Variants in CD28 observed in about 807,000 individuals in gnomAD.
CD28 encodes the protein CD28 molecule.
In CD28, 8 loss-of-function variants were observed where a neutral mutation model predicts 21.4. The observed-to-expected ratio is 0.37, with a 90% CI of 0.22 to 0.68. The LOEUF is 0.68. Among genes scored for constraint, CD28 ranks in the 30% least tolerant of loss-of-function variants. The probability of loss-of-function intolerance (pLI) is 0.55; values close to 1 mark genes in which losing one functional copy is unlikely to be tolerated. For missense variants in CD28, 239 were observed against 272.2 expected (o/e 0.88, Z 0.86); for synonymous variants, 106 against 104.0 (o/e 1.02, Z -0.12).
chr2:203,734,447 C>A (rs1024142825), intron 3 of CD28, among the ~76,000 whole-genome samples: 14 of 152,188 alleles, frequency 9.2e-5, no homozygotes, highest in South Asian at 2.1e-4. Context: ...TGTGGGTAGG[C>A]TTAACCTAGT....
chr2:203,712,115 C>T (rs769475984), intron 1 of CD28, among the ~76,000 whole-genome samples: 7 of 152,022 alleles, frequency 4.6e-5, no homozygotes, highest in Non-Finnish European at 1.0e-4. Context: ...TTGCTTGAAC[C>T]TAGGAGGCAG....
chr2:203,732,539 G>A (rs955551120), intron 3 of CD28, among the ~76,000 whole-genome samples: 17 of 152,312 alleles, frequency 1.1e-4, no homozygotes, highest in South Asian at 1.0e-3. Flanking sequence ...TGAAGACCAC[G>A]TACTTAAGTA....
chr2:203,734,724 C>T, intron 3 of CD28, 60 bp from the exon 4 acceptor site: 1 of 1,587,828 alleles, frequency 6.3e-7, no homozygotes, highest in Non-Finnish European at 8.7e-7. Context: ...GTTGTGCCCA[C>T]AGTCTTAGAA....
intron 1 of CD28, among the ~76,000 whole-genome samples, chr2:203,713,887 G>T (rs1317330340): frequency 6.7e-6 from 1 of 148,778 alleles, no homozygotes; most frequent in Non-Finnish European, 1.5e-5. Flanking sequence ...CAGAGAGAGA[G>T]AGTGTGTGTG....
At chr2:203,707,279 C>G in intron 1 of CD28, among the ~76,000 whole-genome samples, 1 of 152,022 alleles carries the variant, frequency 6.6e-6, no homozygotes, top group Non-Finnish European at 1.5e-5. Context: ...CCAATTCTCA[C>G]TAGGTAAGCT....
chr2:203,725,689 C>A (rs1426721351), intron 1 of CD28, among the ~76,000 whole-genome samples: 2 of 152,092 alleles, frequency 1.3e-5, no homozygotes, highest in African/African-American at 4.8e-5. Context: ...AGAGAGATAA[C>A]TCCCCTCTGG....
At chr2:203,717,398 C>T (rs1193616642) in intron 1 of CD28, among the ~76,000 whole-genome samples, 1 of 152,148 alleles carries the variant, frequency 6.6e-6, no homozygotes, top group Non-Finnish European at 1.5e-5. Context: ...ACTCTCTTGC[C>T]TTCTGGTTCT....
intron 1 of CD28, among the ~76,000 whole-genome samples, chr2:203,721,314 C>G (rs3116487): frequency 0.14 from 21,928 of 152,158 alleles, 1,756 homozygotes; most frequent in Middle Eastern, 0.19. Context: ...TGCATAAAAG[C>G]CTTCAGTAGA....
At chr2:203,709,374 A>G (rs971856461) in intron 1 of CD28, among the ~76,000 whole-genome samples, 1 of 152,210 alleles carries the variant, frequency 6.6e-6, no homozygotes, top group Non-Finnish European at 1.5e-5. Context: ...GTATGTATGT[A>G]TATGAAGAAT....
intron 2 of CD28, among the ~76,000 whole-genome samples, chr2:203,728,804 A>G (rs993134471): frequency 1.3e-5 from 2 of 152,224 alleles, no homozygotes; most frequent in African/African-American, 4.8e-5. Context: ...ATACACACAT[A>G]TACACATATC....
chr2:203,734,742 C>T, intron 3 of CD28, 42 bp from the exon 4 acceptor site: 1 of 1,610,518 alleles, frequency 6.2e-7, no homozygotes, highest in Non-Finnish European at 8.5e-7. Context: ...GAACTCCTTC[C>T]ATGACATTGT....
chr2:203,718,490 G>A (rs768514339), intron 1 of CD28, among the ~76,000 whole-genome samples: 1 of 152,164 alleles, frequency 6.6e-6, no homozygotes, highest in African/African-American at 2.4e-5. Context: ...AGCTTTCATT[G>A]TTTTTGGTTC....
rs1387860790 is a variant in CD28 at position 203,737,002 on chromosome 2, C to A, written c.*2090C>A. 6.6e-6 allele frequency: 1 copy of A among 152,174 alleles called. No individual in the cohort carries two copies. The highest frequency in any genetic ancestry group is 2.4e-5 in the African/African-American group (1 of 41,450). 9.4% of individuals were successfully genotyped at this position (152,174 alleles called of 1,614,324 possible). ...GGGAATATTGTAACACAAATTTAAA[C>A]CCACTACGCAGGGATGAGGTGCTAT... On this transcript the variant is annotated 3_prime_UTR_variant, in exon 4 of 4. Coordinates refer to ENST00000324106, the MANE Select transcript of CD28 (RefSeq NM_006139.4).
intron 2 of CD28, among the ~76,000 whole-genome samples, 177 bp from the exon 3 acceptor site, chr2:203,729,471 C>A (rs1693831992): frequency 6.6e-6 from 1 of 152,098 alleles, no homozygotes; most frequent in African/African-American, 2.4e-5. Context: ...GAAAACTGAC[C>A]AGATCATGGT....
At position 203,727,389 on chromosome 2, in the gene CD28, C is replaced by A. The variant is rs114917886; in HGVS notation, c.409+400C>A. On this transcript the variant is annotated intron_variant, in intron 2 of 3. Coordinates refer to ENST00000324106, the MANE Select transcript of CD28 (RefSeq NM_006139.4). ...ATTTCTAATTAATTCTTTTTTTGTG[C>A]TCCATAATCTTCCTCTGTAAAAGTA... 4.8e-3 allele frequency among the ~76,000 whole-genome samples: 729 copies of A among 151,836 alleles called. 7 individuals are homozygous for A. The highest frequency in any genetic ancestry group is 0.016 in the African/African-American group (671 of 41,310).
At chr2:203,707,648 C>T (rs554374183) in intron 1 of CD28, among the ~76,000 whole-genome samples, 4 of 152,128 alleles carry the variant, frequency 2.6e-5, no homozygotes, top group East Asian at 3.8e-4. Context: ...ACACAGTTCT[C>T]GTAACTAGAA....
intron 1 of CD28, among the ~76,000 whole-genome samples, chr2:203,708,831 A>G (rs1693231323): frequency 1.3e-5 from 2 of 152,216 alleles, no homozygotes; most frequent in African/African-American, 4.8e-5. Context: ...TGACCACATA[A>G]AAAATGTATG....
intron 1 of CD28, among the ~76,000 whole-genome samples, chr2:203,714,731 A>T (rs115843324): frequency 0.01 from 1,557 of 152,276 alleles, 24 homozygotes; most frequent in African/African-American, 0.035. Flanking sequence ...AGGCAGCTCA[A>T]CTACCCCATC....
chr2:203,706,904 C>G (rs535538698), intron 1 of CD28, among the ~76,000 whole-genome samples, 156 bp downstream of exon 1: 2 of 152,140 alleles, frequency 1.3e-5, no homozygotes, highest in East Asian at 3.9e-4. Flanking sequence ...ATCATTGATT[C>G]TCAGACTACA....
Sources: gnomAD v4.1 joint callset for allele counts (sites outside exome capture counted in the v4.1 genomes callset) on GRCh38, gnomAD v4.1.1 for gene constraint, MANE v1.5 for transcripts, NCBI Gene and HGNC (gene_info 2026-07-23, HGNC 2026-07-21) for gene names.